MAGI1: variants seen among roughly 807,000 people sequenced by gnomAD.
The protein encoded by MAGI1 is membrane associated guanylate kinase, WW and PDZ domain containing 1, also known as membrane-associated guanylate kinase, WW and PDZ domain-containing protein 1.
In MAGI1, 58 loss-of-function variants were observed where a neutral mutation model predicts 139.9. The ratio of observed to expected loss-of-function variants is 0.41; its 90% CI spans 0.34 to 0.52. The LOEUF (loss-of-function observed/expected upper bound fraction) is 0.52, where lower values mean the gene tolerates loss of function less well. MAGI1 is among the 20% of genes least tolerant of loss of function. The pLI is 0.12. For synonymous variants in MAGI1, 812 were observed against 737.9 expected (o/e 1.10, Z -1.63); for missense variants, 1,874 against 1,901.6 (o/e 0.99, Z 0.27).
chr3:65,512,613 T>A (rs1405219964), intron 2 of MAGI1, among the ~76,000 whole-genome samples: 4 of 152,200 alleles, frequency 2.6e-5, no homozygotes, highest in East Asian at 1.9e-4. Flanking sequence ...CAGGAAGAAG[T>A]TGAATCTCTG....
At chr3:65,509,590 T>C (rs1324463823) in intron 2 of MAGI1, among the ~76,000 whole-genome samples, 8 of 152,148 alleles carry the variant, frequency 5.3e-5, no homozygotes, top group African/African-American at 1.9e-4. Flanking sequence ...TATTTCGCTT[T>C]TCAGACCGGC....
chr3:65,668,711 C>A (rs535636431), intron 1 of MAGI1, among the ~76,000 whole-genome samples: 9 of 150,986 alleles, frequency 6.0e-5, no homozygotes, highest in African/African-American at 1.7e-4. Flanking sequence ...GGGTTACAGG[C>A]GTGCTGTAAT....
intron 1 of MAGI1, among the ~76,000 whole-genome samples, chr3:65,945,465 G>C (rs2063505229): frequency 6.6e-6 from 1 of 152,230 alleles, no homozygotes; most frequent in Non-Finnish European, 1.5e-5. Context: ...TATAGCCTGA[G>C]AAGGACTCTG....
chr3:65,401,792 T>G, intron 12 of MAGI1: 3 of 1,351,854 alleles, frequency 2.2e-6, no homozygotes, highest in Non-Finnish European at 2.9e-6. Flanking sequence ...AATGCTCTTC[T>G]GGATTAAGAG....
chr3:65,945,518 G>A lies in MAGI1; in HGVS notation c.313+92478C>T, dbSNP rs1197939638. 2.8e-5 allele frequency among the ~76,000 whole-genome samples: 4 copies of A among 141,454 alleles called. No individual in the cohort carries two copies. The East Asian group carries it at 7.7e-4, about 27-fold the overall frequency. The allele number at this position is 141,454 out of a possible 152,430, so 92.8% of individuals were successfully genotyped here. Reference sequence around the variant, plus strand: ...CCTTGTGGACCAACCTTGTCTAATAGGTAGACAAGGGTGAAAAACTAATTT... The same window carrying A: ...CCTTGTGGACCAACCTTGTCTAATAAGTAGACAAGGGTGAAAAACTAATTT... On this transcript the variant is annotated intron_variant, in intron 1 of 22. Coordinates refer to ENST00000402939, the MANE Select transcript of MAGI1 (RefSeq NM_001033057.2).
intron 1 of MAGI1, among the ~76,000 whole-genome samples, chr3:65,903,779 G>A (rs969625152): frequency 4.6e-5 from 7 of 152,088 alleles, no homozygotes; most frequent in African/African-American, 1.4e-4. Flanking sequence ...AGGCCGAGGT[G>A]GGAGGATCAC....
intron 2 of MAGI1, among the ~76,000 whole-genome samples, chr3:65,494,191 T>G (rs928571002): frequency 6.6e-6 from 1 of 152,210 alleles, no homozygotes; most frequent in Admixed American, 6.5e-5. Context: ...AAAATGCTGC[T>G]GCTCCTCATG....
At chr3:65,807,671 A>C (rs2040949657) in intron 1 of MAGI1, among the ~76,000 whole-genome samples, 3 of 152,188 alleles carry the variant, frequency 2.0e-5, no homozygotes, top group African/African-American at 7.2e-5. Context: ...AACAGAAGTA[A>C]ATGGAGAACA....
chr3:65,616,004 A>G (rs2083351632), intron 2 of MAGI1, among the ~76,000 whole-genome samples: 1 of 152,204 alleles, frequency 6.6e-6, no homozygotes, highest in African/African-American at 2.4e-5. Flanking sequence ...TCAAAAGCCT[A>G]AGAATTCGTT....
At chr3:65,986,673 T>G (rs1032510376) in intron 1 of MAGI1, among the ~76,000 whole-genome samples, 1 of 152,174 alleles carries the variant, frequency 6.6e-6, no homozygotes, top group African/African-American at 2.4e-5. Context: ...TTATTCGTGT[T>G]TGAAATGTCG....
chr3:65,849,757 C>T lies in MAGI1; in HGVS notation c.313+188239G>A, dbSNP rs1465105603. Among the ~76,000 whole-genome samples the T allele has an allele frequency of 2.6e-5, 4 of 152,058 alleles. No homozygotes were observed. In the South Asian group the frequency reaches 6.2e-4, roughly 24 times the overall value. ...GTATTTCTTCTACACAATGGTTAGA[C>T]TGTGTATTTTTCATCACATCTAACG... On this transcript the variant is annotated intron_variant, in intron 1 of 22. Coordinates refer to ENST00000402939, the MANE Select transcript of MAGI1 (RefSeq NM_001033057.2).
At chr3:65,839,827 A>T (rs2058745521) in intron 1 of MAGI1, among the ~76,000 whole-genome samples, 1 of 152,208 alleles carries the variant, frequency 6.6e-6, no homozygotes. Flanking sequence ...GAACTGAGAG[A>T]CATTACTTGC....
At chr3:65,389,204 C>A (rs536576755) in intron 14 of MAGI1, among the ~76,000 whole-genome samples, 165 of 152,180 alleles carry the variant, frequency 1.1e-3, no homozygotes, top group African/African-American at 3.4e-3. Flanking sequence ...CTGGCTATGG[C>A]CACATTACAT....
intron 1 of MAGI1, among the ~76,000 whole-genome samples, chr3:65,928,782 G>A (rs2062649211): frequency 6.6e-6 from 1 of 152,090 alleles, no homozygotes. Flanking sequence ...CACAATGAGA[G>A]CTGTTACATA....
At chr3:65,933,589 C>A (rs1299609260) in intron 1 of MAGI1, among the ~76,000 whole-genome samples, 2 of 152,102 alleles carry the variant, frequency 1.3e-5, no homozygotes, top group African/African-American at 4.8e-5. Flanking sequence ...GTCAGTCCTA[C>A]TCAGCTTAGG....
At chr3:65,465,194 C>T (rs911406826) in intron 5 of MAGI1, among the ~76,000 whole-genome samples, 2 of 151,046 alleles carry the variant, frequency 1.3e-5, no homozygotes, top group African/African-American at 4.8e-5. Context: ...AACACTCAAA[C>T]CTAATTTGGA....
chr3:65,514,874 G>T (rs1173145955), intron 2 of MAGI1, among the ~76,000 whole-genome samples: 1 of 147,504 alleles, frequency 6.8e-6, no homozygotes, highest in Non-Finnish European at 1.5e-5. Flanking sequence ...GTTTATTGCG[G>T]CATTATTCAC....
At chr3:65,532,374 C>A (rs2078752754) in intron 2 of MAGI1, among the ~76,000 whole-genome samples, 1 of 152,176 alleles carries the variant, frequency 6.6e-6, no homozygotes, top group Non-Finnish European at 1.5e-5. Context: ...GCGACTTAAT[C>A]TCCAACATTC....
At chr3:65,986,878 T>C (rs1471561165) in intron 1 of MAGI1, among the ~76,000 whole-genome samples, 1 of 151,564 alleles carries the variant, frequency 6.6e-6, no homozygotes, top group Non-Finnish European at 1.5e-5. Flanking sequence ...GGATTTTTTT[T>C]TTTTTTTTTT....
Sources: allele counts gnomAD v4.1 joint callset (sites outside exome capture counted in the v4.1 genomes callset), GRCh38; gene constraint gnomAD v4.1.1; transcripts MANE v1.5; gene names NCBI Gene and HGNC (gene_info 2026-07-23, HGNC 2026-07-21).